Variants in PIK3R2 observed in about 807,000 individuals in gnomAD.
PIK3R2 encodes phosphoinositide-3-kinase regulatory subunit 2.
A neutral mutation model predicts 78.5 loss-of-function variants in PIK3R2; 40 were observed. That is an observed-to-expected ratio of 0.51 (90% CI 0.40 to 0.66). The LOEUF is 0.66. Among genes scored for constraint, PIK3R2 ranks in the 30% least tolerant of loss-of-function variants. PIK3R2 has a pLI of 0.00. For missense variants in PIK3R2, 880 were observed against 1,026.6 expected, an observed-to-expected ratio of 0.86 and a Z score of 1.95; for synonymous variants, 473 against 457.7, an observed-to-expected ratio of 1.03 and a Z score of -0.43.
rs1191743471 is a variant in PIK3R2 at position 18,161,485 on chromosome 19, G to A, written c.805G>A (p.Ala269Thr). ...GCCGTCCTCGCCGCCGCCAGGGGGC[G>A]CTCCCGACGGGTGAGGGGCGGGGCG... ...PPPSSPPPGG[A>T]PDGSEPSPDF... Residue 269 changes from alanine (A) to threonine (T), a missense_variant, in exon 6 of 16, where the codon GCT becomes ACT. Around this residue, in one of 3 missense-constraint regions of PIK3R2, gnomAD observed 456 missense variants for 486.6 expected, o/e 0.94. Coordinates refer to ENST00000222254, the MANE Select transcript of PIK3R2 (RefSeq NM_005027.4). The surrounding 1 kb of genome is among the most constrained non-coding windows in gnomAD (Gnocchi z 5.3). 2 of 1,149,038 alleles carry A rather than the reference G, an allele frequency of 1.7e-6. No homozygotes were observed. The highest frequency in any genetic ancestry group is 4.2e-5 in the South Asian group (1 of 23,590). The allele number at this position is 1,149,038 out of a possible 1,614,324, so 71.2% of individuals were successfully genotyped here.
In PIK3R2 at chr19:18,168,042, A is replaced by C. The variant is rs2043826725; in HGVS notation, c.1737-433A>C. Among the ~76,000 whole-genome samples, 2 of 152,170 alleles carry C rather than the reference A, an allele frequency of 1.3e-5. No homozygotes were observed. Among genetic ancestry groups the C allele is most frequent in the Admixed American group, 6.5e-5 (1 of 15,272 alleles). On this transcript the variant is annotated intron_variant, in intron 13 of 15. Transcript: ENST00000222254. The surrounding 1 kb of genome is among the most constrained non-coding windows in gnomAD (Gnocchi z 4.1). ...CTCAGGGAGGGCACTGTCGCGTGCC[A>C]GGTGCTGTGCTAAGCACCGTGCTCG... is the stretch of plus-strand genomic sequence containing the variant.
At position 18,161,960 on chromosome 19, in the gene PIK3R2, C is replaced by A. The variant is rs768886482; in HGVS notation, c.816-6C>A. 6.2e-7 allele frequency: 1 copy of A among 1,613,484 alleles called. No individual in the cohort carries two copies. The highest frequency in any genetic ancestry group is 1.1e-5 in the South Asian group (1 of 91,070). Reference sequence around the variant, plus strand: ...CAGCCCTCACCACACTCCCCTTCCCCCTAAGGAGTGAGCCCAGCCCTGACT... The same window carrying A: ...CAGCCCTCACCACACTCCCCTTCCCACTAAGGAGTGAGCCCAGCCCTGACT... On this transcript the variant is annotated splice_region_variant and splice_polypyrimidine_tract_variant and intron_variant, in intron 6 of 15. Transcript: ENST00000222254. This position sits in a 1 kb window ranked among gnomAD's most constrained non-coding sequence, Gnocchi z 5.3.
In PIK3R2 at chr19:18,169,797, C is replaced by CGGGCG. The variant is rs1293653437; in HGVS notation, c.*506_*510dup. 1 of 205,520 alleles carries CGGGCG rather than the reference C, an allele frequency of 4.9e-6. No individual in the cohort carries two copies. Among genetic ancestry groups the CGGGCG allele is most frequent in the Non-Finnish European group, 1.0e-5 (1 of 100,142 alleles). The allele number at this position is 205,520 out of a possible 1,614,324, so 12.7% of individuals were successfully genotyped here. A position where few individuals can be genotyped will look rare whatever the true frequency, so the allele number is the denominator to read the frequency against. ...GAACCTCGGCCGTGACATTCGGGGC[C>CGGGCG]GGGCGGGACCCGCCCCACAGACTCC... is the stretch of plus-strand genomic sequence containing the variant. On this transcript the variant is annotated 3_prime_UTR_variant, in exon 16 of 16. Coordinates refer to ENST00000222254, the MANE Select transcript of PIK3R2 (RefSeq NM_005027.4).
chr19:18,158,760 C>G (rs1176728522), intron 2 of PIK3R2, among the ~76,000 whole-genome samples: 1 of 152,238 alleles, frequency 6.6e-6, no homozygotes, highest in East Asian at 1.9e-4. Flanking sequence ...ATATGACTTT[C>G]AGTGGCTGCC....
At chr19:18,162,338 C>T in intron 8 of PIK3R2, 28 bp downstream of exon 8, 1 of 1,587,720 alleles carries the variant, frequency 6.3e-7, no homozygotes, top group Non-Finnish European at 8.6e-7. Context: ...GGCCAGGGAC[C>T]AAGGAGGTGT....
intron 2 of PIK3R2, among the ~76,000 whole-genome samples, chr19:18,157,674 TGA>T (rs1267804616): frequency 6.6e-6 from 1 of 151,562 alleles, no homozygotes; most frequent in Non-Finnish European, 1.5e-5. Context: ...CTCTCAGGGT[TGA>T]GTTTCCCAAC....
intron 11 of PIK3R2, among the ~76,000 whole-genome samples, chr19:18,165,536 C>CA (rs997800755): frequency 2.0e-5 from 3 of 151,852 alleles, no homozygotes; most frequent in African/African-American, 4.8e-5. Flanking sequence ...CCATCTCAAA[C>CA]AAAAAAAATT....
At chr19:18,163,865 G>A (rs1253472267) in intron 11 of PIK3R2, among the ~76,000 whole-genome samples, 4 of 151,614 alleles carry the variant, frequency 2.6e-5, no homozygotes, top group South Asian at 2.1e-4. Context: ...GGTGGCTCAC[G>A]CCTGTAATCC....
chr19:18,167,000 G>A (rs2043816316), intron 12 of PIK3R2, 130 bp from the exon 13 acceptor site: 1 of 649,566 alleles, frequency 1.5e-6, no homozygotes. Context: ...GCCAGACATG[G>A]TGGTGCACAC....
At chr19:18,163,230 T>A in intron 10 of PIK3R2, 33 bp from the exon 11 acceptor site, 1 of 1,614,052 alleles carries the variant, frequency 6.2e-7, no homozygotes, top group Non-Finnish European at 8.5e-7. Flanking sequence ...GACCAGGCTA[T>A]GCATCTCCCC....
In PIK3R2 at chr19:18,156,094, G is replaced by A. The variant is rs1233731632; in HGVS notation, c.215G>A (p.Gly72Asp). Residue 72 changes from glycine to aspartate, a missense_variant, in exon 2 of 16, where the codon GGC becomes GAC. Around this residue, in one of 3 missense-constraint regions of PIK3R2, gnomAD observed 456 missense variants for 486.6 expected, o/e 0.94. Transcript: ENST00000222254. The surrounding 1 kb of genome is among the most constrained non-coding windows in gnomAD (Gnocchi z 4.2). ...ACACGGCAGCGAGGTGACTTCCCTG[G>A]CACCTATGTGGAGTTCCTGGGGCCC... ...ERTRQRGDFP[G>D]TYVEFLGPVA... is the part of the protein sequence containing the mutation. The A allele has an allele frequency of 1.3e-6, 2 of 1,558,188 alleles. No homozygotes were observed. Among genetic ancestry groups the A allele is most frequent in the Non-Finnish European group, 8.7e-7 (1 of 1,152,238 alleles).
chr19:18,156,020 C>G lies in PIK3R2; in HGVS notation c.141C>G (p.Gly47=), dbSNP rs1317987064. 1 of 1,558,434 alleles carries G rather than the reference C, an allele frequency of 6.4e-7. No individual in the cohort carries two copies. The highest frequency in any genetic ancestry group is 8.7e-7 in the Non-Finnish European group (1 of 1,151,614). Residue 47 remains glycine, a synonymous_variant, in exon 2 of 16, where the codon GGC becomes GGG. Transcript: ENST00000222254. The surrounding 1 kb of genome is among the most constrained non-coding windows in gnomAD (Gnocchi z 4.2). ...ALQALGVAEG[G]ERCPQSVGWM... is the part of the protein sequence containing the mutation. ...AGGCGCTGGGCGTGGCCGAGGGTGGCGAGCGCTGCCCACAGAGCGTGGGCT... is the reference window on the plus strand; with the variant it reads ...AGGCGCTGGGCGTGGCCGAGGGTGGGGAGCGCTGCCCACAGAGCGTGGGCT...
In PIK3R2 at chr19:18,168,539, A is replaced by G. The variant is rs976484388; in HGVS notation, c.1801A>G (p.Thr601Ala). The change falls in exon 14 of 16, where the codon ACT (threonine) becomes GCT (alanine). Residue 601 changes from threonine (T) to alanine (A), a missense_variant. Physicochemically the swap from Thr to Ala is moderately conservative, Grantham distance 58. Coordinates refer to ENST00000222254, the MANE Select transcript of PIK3R2 (RefSeq NM_005027.4). This position sits in a 1 kb window ranked among gnomAD's most constrained non-coding sequence, Gnocchi z 4.1. ...INEWLGIKNE[T>A]EDQYALMEDE... ...CGAGTGGCTGGGGATTAAAAATGAG[A>G]CTGAGGAGTGAGTGACCGTCTGGAG... 1.3e-6 allele frequency: 1 copy of G among 781,516 alleles called. No homozygotes were observed. Among genetic ancestry groups the G allele is most frequent in the African/African-American group, 1.7e-5 (1 of 59,210 alleles). 48.4% of individuals were successfully genotyped at this position (781,516 alleles called of 1,614,324 possible).
chr19:18,155,642 ACTCC>A lies in PIK3R2; in HGVS notation c.-232_-229del. ...CCAGTGACCTGACACCACACCACCA[ACTCC>A]CTCCCACCAGCTGACGAATGGTGGA... is the stretch of plus-strand genomic sequence containing the variant. On this transcript the variant is annotated 5_prime_UTR_variant, in exon 2 of 16. Transcript: ENST00000222254. 1 of 541,526 alleles carries A rather than the reference ACTCC, an allele frequency of 1.8e-6. No homozygotes were observed. The allele number at this position is 541,526 out of a possible 1,614,324, so 33.5% of individuals were successfully genotyped here. A position where few individuals can be genotyped will look rare whatever the true frequency, so the allele number is the denominator to read the frequency against.
chr19:18,156,113 G>A lies in PIK3R2; in HGVS notation c.234G>A (p.Leu78=). The A allele has an allele frequency of 1.9e-6, 3 of 1,544,850 alleles. No homozygotes were observed. The highest frequency in any genetic ancestry group is 4.9e-5 in the East Asian group (2 of 40,430). The change falls in exon 2 of 16, where the codon CTG becomes CTA. Residue 78 remains leucine (L), a synonymous_variant. Transcript: ENST00000222254. The surrounding 1 kb of genome is among the most constrained non-coding windows in gnomAD (Gnocchi z 4.2). ...GDFPGTYVEF[L]GPVALARPGP... Reference sequence around the variant, plus strand: ...TCCCTGGCACCTATGTGGAGTTCCTGGGGCCCGTGGCCCTGGCCCGGCCCG... The same window carrying A: ...TCCCTGGCACCTATGTGGAGTTCCTAGGGCCCGTGGCCCTGGCCCGGCCCG...
At chr19:18,153,450 C>T (rs2043639285) in intron 1 of PIK3R2, among the ~76,000 whole-genome samples, 156 bp downstream of exon 1, 2 of 152,190 alleles carry the variant, frequency 1.3e-5, no homozygotes, top group African/African-American at 4.8e-5. Context: ...CAAGGGGGGG[C>T]CTCGGGCTCG....
chr19:18,159,680 A>G (rs1219864053), intron 2 of PIK3R2, among the ~76,000 whole-genome samples: 1 of 151,568 alleles, frequency 6.6e-6, no homozygotes, highest in Non-Finnish European at 1.5e-5. Flanking sequence ...CTTAACCTCA[A>G]GTGACCTGCT....
In PIK3R2 at chr19:18,163,268, G is replaced by T; in HGVS notation, c.1296G>T (p.Gln432His). The change falls in exon 11 of 16, where the codon CAG (glutamine) becomes CAT (histidine). Residue 432 changes from glutamine (Q) to histidine (H), a missense_variant. By Grantham distance (24) the Gln-to-His change is conservative. This residue lies in a region of PIK3R2 where 156 missense variants were observed against 241.0 expected (regional missense o/e 0.65). Transcript: ENST00000222254. ...LYPVSKYQQD[Q>H]IVKEDSVEAV... ...ATTCCGCCACGTATCTCCAGGACCAGATTGTCAAGGAGGACAGCGTGGAGG... is the reference window on the plus strand; with the variant it reads ...ATTCCGCCACGTATCTCCAGGACCATATTGTCAAGGAGGACAGCGTGGAGG... The T allele has an allele frequency of 6.2e-7, 1 of 1,614,106 alleles. No individual in the cohort carries two copies. The highest frequency in any genetic ancestry group is 8.5e-7 in the Non-Finnish European group (1 of 1,180,022).
chr19:18,168,221 C>A lies in PIK3R2; in HGVS notation c.1737-254C>A, dbSNP rs368007721. 2.0e-4 allele frequency among the ~76,000 whole-genome samples: 31 copies of A among 152,250 alleles called. No individual in the cohort carries two copies. In the South Asian group the frequency reaches 5.8e-3, roughly 29 times the overall value. ...GATGAGGGGCCTGGGCTGGCATCTT[C>A]TTGGGGGACTCCATAGGCGTTAACA... On this transcript the variant is annotated intron_variant, in intron 13 of 15. Coordinates refer to ENST00000222254, the MANE Select transcript of PIK3R2 (RefSeq NM_005027.4). The surrounding 1 kb of genome is among the most constrained non-coding windows in gnomAD (Gnocchi z 4.1).
Sources: gnomAD v4.1 joint callset for allele counts (sites outside exome capture counted in the v4.1 genomes callset) on GRCh38, gnomAD v4.1.1 for gene constraint, gnomAD v4.1.1 regional missense constraint, Gnocchi (gnomAD v3.1) non-coding constraint, MANE v1.5 for transcripts, NCBI Gene and HGNC (gene_info 2026-07-23, HGNC 2026-07-21) for gene names.